Variants in B3GALT1 observed in about 807,000 individuals in gnomAD.
The protein encoded by B3GALT1 is beta-1,3-galactosyltransferase 1.
Under a neutral mutation model 23.2 loss-of-function variants are expected in B3GALT1, and 10 were observed. The ratio of observed to expected loss-of-function variants is 0.43; its 90% confidence interval spans 0.27 to 0.73. B3GALT1 has a LOEUF of 0.73. Ranked by LOEUF, B3GALT1 falls within the 30% of genes least tolerant of loss-of-function variation. The pLI, the probability that B3GALT1 is intolerant of heterozygous loss-of-function variation, is 0.21. For missense variants in B3GALT1, 299 were observed against 405.4 expected, an observed-to-expected ratio of 0.74 and a Z score of 2.25; for synonymous variants, 156 against 141.5, an observed-to-expected ratio of 1.10 and a Z score of -0.73.
intron 2 of B3GALT1, among the ~76,000 whole-genome samples, chr2:167,527,014 C>G (rs11895161): frequency 9.2e-5 from 14 of 151,980 alleles, no homozygotes; most frequent in African/African-American, 2.9e-4. Context: ...AAATAAAGAA[C>G]ATTTCACCAT....
chr2:167,863,266 C>G (rs1423645159), intron 4 of B3GALT1, among the ~76,000 whole-genome samples: 1 of 151,670 alleles, frequency 6.6e-6, no homozygotes, highest in Non-Finnish European at 1.5e-5. Context: ...GCTGGATGAA[C>G]AAACCAAAAC....
chr2:167,686,291 T>C (rs892665437), intron 3 of B3GALT1, among the ~76,000 whole-genome samples: 1 of 152,220 alleles, frequency 6.6e-6, no homozygotes, highest in Non-Finnish European at 1.5e-5. Flanking sequence ...GTTACAGTTT[T>C]ATAACATATT....
chr2:167,322,670 T>G (rs140525747), intron 1 of B3GALT1, among the ~76,000 whole-genome samples: 1 of 152,018 alleles, frequency 6.6e-6, no homozygotes, highest in Admixed American at 6.5e-5. Flanking sequence ...TCTTATCAAT[T>G]TCCTTGAAGA....
intron 2 of B3GALT1, among the ~76,000 whole-genome samples, chr2:167,519,241 G>T (rs1700150760): frequency 6.6e-6 from 1 of 152,090 alleles, no homozygotes; most frequent in Non-Finnish European, 1.5e-5. Context: ...GAATTGGCGG[G>T]CATACTGAAC....
chr2:167,593,375 A>G (rs1321772871), intron 2 of B3GALT1, among the ~76,000 whole-genome samples: 1 of 152,214 alleles, frequency 6.6e-6, no homozygotes, highest in African/African-American at 2.4e-5. Flanking sequence ...ACTATTATAT[A>G]TTAAATGCAT....
chr2:167,434,569 G>A (rs1048015298), intron 1 of B3GALT1, among the ~76,000 whole-genome samples: 5 of 148,140 alleles, frequency 3.4e-5, no homozygotes, highest in African/African-American at 7.4e-5. Flanking sequence ...ATTACCATAC[G>A]TAAAATACAC....
At chr2:167,541,688 T>C (rs1683536522) in intron 2 of B3GALT1, among the ~76,000 whole-genome samples, 1 of 152,114 alleles carries the variant, frequency 6.6e-6, no homozygotes, top group Non-Finnish European at 1.5e-5. Context: ...GCCTATTAGA[T>C]TTTTATATTT....
chr2:167,682,539 T>C (rs1686550150), intron 3 of B3GALT1, among the ~76,000 whole-genome samples: 1 of 152,224 alleles, frequency 6.6e-6, no homozygotes, highest in Admixed American at 6.5e-5. Flanking sequence ...CTGCAGCAGA[T>C]TCTCAAACTT....
intron 2 of B3GALT1, among the ~76,000 whole-genome samples, chr2:167,500,641 A>T (rs1366943337): frequency 1.3e-5 from 2 of 151,912 alleles, no homozygotes; most frequent in African/African-American, 4.8e-5. Flanking sequence ...TAAGGAAAAA[A>T]AAAATGCACA....
At chr2:167,432,608 A>G (rs991170587) in intron 1 of B3GALT1, among the ~76,000 whole-genome samples, 3 of 152,220 alleles carry the variant, frequency 2.0e-5, no homozygotes, top group Non-Finnish European at 4.4e-5. Context: ...GAGGAAGCCT[A>G]CAAAGAATCT....
chr2:167,625,147 G>T (rs778236619), intron 2 of B3GALT1, among the ~76,000 whole-genome samples: 2 of 151,852 alleles, frequency 1.3e-5, no homozygotes, highest in Non-Finnish European at 2.9e-5. Context: ...TAAAGTGCAG[G>T]TAAATTGGAA....
chr2:167,420,297 A>G (rs1698526927), intron 1 of B3GALT1, among the ~76,000 whole-genome samples: 1 of 152,246 alleles, frequency 6.6e-6, no homozygotes, highest in African/African-American at 2.4e-5. Flanking sequence ...TCTCAGTGAC[A>G]TTCCACTTAA....
At chr2:167,435,042 A>C (rs182274246) in intron 1 of B3GALT1, among the ~76,000 whole-genome samples, 13 of 152,196 alleles carry the variant, frequency 8.5e-5, no homozygotes, top group Admixed American at 5.9e-4. Flanking sequence ...AGAGTCCATA[A>C]TCCTTAATGA....
intron 3 of B3GALT1, among the ~76,000 whole-genome samples, chr2:167,681,464 G>C (rs1170713597): frequency 2.0e-5 from 3 of 152,154 alleles, no homozygotes; most frequent in African/African-American, 7.2e-5. Flanking sequence ...TTCATGCAGG[G>C]AATCTCAGAC....
intron 2 of B3GALT1, among the ~76,000 whole-genome samples, chr2:167,550,789 A>G (rs573347797): frequency 2.6e-5 from 4 of 152,286 alleles, no homozygotes; most frequent in Admixed American, 2.0e-4. Flanking sequence ...CACTTAAAAG[A>G]TGTTTTATTT....
At chr2:167,532,848 C>T (rs1339329792) in intron 2 of B3GALT1, among the ~76,000 whole-genome samples, 3 of 141,344 alleles carry the variant, frequency 2.1e-5, no homozygotes, top group Non-Finnish European at 3.0e-5. Context: ...GACAGTTTTA[C>T]TGCATCTTTT....
At chr2:167,826,703 C>T (rs190727060) in intron 4 of B3GALT1, among the ~76,000 whole-genome samples, 1 of 152,200 alleles carries the variant, frequency 6.6e-6, no homozygotes, top group Admixed American at 6.5e-5. Context: ...CATCTGAGGC[C>T]TCAACCAACC....
chr2:167,414,312 A>T lies in B3GALT1; in HGVS notation c.-510-75865A>T, dbSNP rs140366287. Among the ~76,000 whole-genome samples the T allele has an allele frequency of 7.9e-5, 12 of 152,264 alleles. No individual in the cohort carries two copies. The East Asian group carries it at 2.3e-3, about 29-fold the overall frequency. On this transcript the variant is annotated intron_variant, in intron 1 of 4. Transcript: ENST00000392690. ...CAGGAAAACTTGTGTTTTTATCTTG[A>T]CTTGGCAGTTGACTGACTATGTAAT...
chr2:167,328,195 C>T (rs1696925050), intron 1 of B3GALT1, among the ~76,000 whole-genome samples: 2 of 152,048 alleles, frequency 1.3e-5, no homozygotes, highest in South Asian at 4.2e-4. Flanking sequence ...TCCTGTTGTG[C>T]CATTGTCTGG....
Sources: allele counts gnomAD v4.1 joint callset (sites outside exome capture counted in the v4.1 genomes callset), GRCh38; gene constraint gnomAD v4.1.1; transcripts MANE v1.5; gene names NCBI Gene and HGNC (gene_info 2026-07-23, HGNC 2026-07-21).